The following MCOLN3 variants were observed in gnomAD, a reference collection of about 807,000 sequenced individuals.
MCOLN3 encodes mucolipin TRP cation channel 3.
A neutral mutation model predicts 69.4 loss-of-function variants in MCOLN3; 62 were observed. That is an observed-to-expected ratio of 0.89 (90% CI 0.73 to 1.10). The LOEUF (loss-of-function observed/expected upper bound fraction) is 1.10, where lower values mean the gene tolerates loss of function less well. MCOLN3 is among the 50% of genes least tolerant of loss of function. The pLI is 0.00. For synonymous variants in MCOLN3, 183 were observed against 217.0 expected, an observed-to-expected ratio of 0.84 and a Z score of 1.38; for missense variants, 564 against 656.4, an observed-to-expected ratio of 0.86 and a Z score of 1.54.
rs377121136 is a variant in MCOLN3, at chr1:85,026,580, C to A, written c.833-296G>T. 5.4e-4 allele frequency among the ~76,000 whole-genome samples: 81 copies of A among 150,134 alleles called. No individual in the cohort carries two copies. The South Asian group carries it at 0.017, about 31-fold the overall frequency. On this transcript the variant is annotated intron_variant, in intron 7 of 12. Transcript: ENST00000370589. ...GACCATCCTGGCCAATGCGGTGAAA[C>A]CCTGTCTCTACTAAAAATACAAAAA...
chr1:85,048,478 C>G lies in MCOLN3; in HGVS notation c.-85G>C, dbSNP rs899856262. On this transcript the variant is annotated 5_prime_UTR_variant, in exon 1 of 13. Transcript: ENST00000370589. The stretch of plus-strand genomic sequence containing the variant: ...AGTCAGCGAGCGACTCCAGCAGCCT[C>G]GAGCCCCGCTCCGCCCAGAGTCAGA... The G allele has an allele frequency of 1.3e-5, 2 of 152,322 alleles. No homozygotes were observed. Among genetic ancestry groups the G allele is most frequent in the African/African-American group, 2.4e-5 (1 of 41,446 alleles). 9.4% of individuals were successfully genotyped at this position (152,322 alleles called of 1,614,324 possible).
chr1:85,031,992 C>T (rs1195952210), intron 6 of MCOLN3, among the ~76,000 whole-genome samples: 2 of 152,032 alleles, frequency 1.3e-5, no homozygotes, highest in Admixed American at 6.6e-5. Context: ...AGGAGAATGG[C>T]GTGAACCCGG....
At chr1:85,028,507 T>G (rs561555419) in intron 7 of MCOLN3, among the ~76,000 whole-genome samples, 16 of 152,292 alleles carry the variant, frequency 1.1e-4, no homozygotes, top group African/African-American at 3.6e-4. Flanking sequence ...ACTAGAAAAT[T>G]AGATAAATTC....
intron 7 of MCOLN3, among the ~76,000 whole-genome samples, chr1:85,026,983 G>A (rs1652256671): frequency 6.6e-6 from 1 of 151,620 alleles, no homozygotes; most frequent in Non-Finnish European, 1.5e-5. Flanking sequence ...TGAACTCCTG[G>A]TCTCAAGTGA....
chr1:85,036,411 G>A (rs1198319610), intron 3 of MCOLN3, among the ~76,000 whole-genome samples: 1 of 152,084 alleles, frequency 6.6e-6, no homozygotes, highest in Admixed American at 6.5e-5. Context: ...GGAAGTTCTC[G>A]ATCTCCTGAC....
intron 6 of MCOLN3, 160 bp from the exon 7 acceptor site, chr1:85,029,365 T>C: frequency 1.7e-6 from 1 of 584,430 alleles, no homozygotes. Context: ...GTTCTCTTCA[T>C]TTCTCTGTGA....
At chr1:85,036,171 G>C (rs1652793345) in intron 3 of MCOLN3, among the ~76,000 whole-genome samples, 1 of 152,136 alleles carries the variant, frequency 6.6e-6, no homozygotes, top group Admixed American at 6.5e-5. Context: ...AAAAGTGCCT[G>C]ATACATAATA....
At position 85,022,194 on chromosome 1, in the gene MCOLN3, T is replaced by G; in HGVS notation, c.1198-2A>C. 1 of 1,613,962 alleles carries G rather than the reference T, an allele frequency of 6.2e-7. No individual in the cohort carries two copies. The highest frequency in any genetic ancestry group is 1.7e-5 in the Admixed American group (1 of 59,980). On this transcript the variant is annotated splice_acceptor_variant, in intron 10 of 12. Transcript: ENST00000370589. LOFTEE classifies it high-confidence loss of function. The stretch of plus-strand genomic sequence containing the variant: ...TGCCTGAAGGGTCAAAATGAGGAGC[T>G]GGGAAAGTAAGAGAGGCCATTAGAA...
rs1032754826 is a variant in MCOLN3 at position 85,031,732 on chromosome 1, AT to A, written c.732+963del. 3.3e-5 allele frequency among the ~76,000 whole-genome samples: 5 copies of A among 152,184 alleles called. 1 individual carries two copies. Among genetic ancestry groups the A allele is most frequent in the Admixed American group, 1.3e-4 (2 of 15,272 alleles). On this transcript the variant is annotated intron_variant, in intron 6 of 12. Transcript: ENST00000370589. ...GGTAGCTACATGGGCAAATAAAAAA[AT>A]GTTTTTATTATTATTTAAATCACTT...
intron 9 of MCOLN3, 47 bp from the exon 10 acceptor site, chr1:85,022,447 A>G: frequency 5.2e-6 from 7 of 1,348,034 alleles, no homozygotes; most frequent in Non-Finnish European, 7.4e-6. Context: ...GCAGAAATTC[A>G]TTTGGCAATA....
chr1:85,042,133 C>T (rs1486437423), intron 2 of MCOLN3, among the ~76,000 whole-genome samples: 1 of 152,176 alleles, frequency 6.6e-6, no homozygotes, highest in African/African-American at 2.4e-5. Flanking sequence ...TACACTATTC[C>T]AGGAACTTTC....
At chr1:85,025,663 C>A in intron 9 of MCOLN3, 2 of 283,032 alleles carry the variant, frequency 7.1e-6, no homozygotes, top group Non-Finnish European at 6.5e-6. Context: ...AATTCACAGG[C>A]CCCGCCGAAG....
chr1:85,021,224 T>A lies in MCOLN3; in HGVS notation c.1373A>T (p.Asp458Val), dbSNP rs767177470. 3 of 1,613,786 alleles carry A rather than the reference T, an allele frequency of 1.9e-6. No individual in the cohort carries two copies. Among genetic ancestry groups the A allele is most frequent in the South Asian group, 1.1e-5 (1 of 91,064 alleles). The part of the protein sequence containing the change: ...SECLFSLING[D>V]DMFATFAKMQ... ...TTTTGCAAACGTGGCAAACATATCA[T>A]CTCCATTTATCAGAGAGAAAAGGCA... The change falls in exon 12 of 13, where the codon GAT becomes GTT. Residue 458 changes from aspartate to valine, a missense_variant. Transcript: ENST00000370589.
intron 1 of MCOLN3, among the ~76,000 whole-genome samples, chr1:85,048,104 G>A (rs1412741190): frequency 6.6e-6 from 1 of 152,214 alleles, no homozygotes; most frequent in Non-Finnish European, 1.5e-5. Flanking sequence ...ACAGGTGGGC[G>A]GCGGCCTGGA....
chr1:85,028,068 G>C (rs1199755251), intron 7 of MCOLN3, among the ~76,000 whole-genome samples: 2 of 152,192 alleles, frequency 1.3e-5, no homozygotes, highest in Non-Finnish European at 2.9e-5. Context: ...CTAGGTGCCA[G>C]ACACTTGTGT....
At position 85,021,051 on chromosome 1, in the gene MCOLN3, T is replaced by C. The variant is rs772410359; in HGVS notation, c.1527+19A>G. On this transcript the variant is annotated intron_variant, in intron 12 of 12. Transcript: ENST00000370589. Reference sequence around the variant, plus strand: ...AGTTATAGGACAATGCTACTACTTATGGCTCTTGATAAACCTACCTTAATT... The same window carrying C: ...AGTTATAGGACAATGCTACTACTTACGGCTCTTGATAAACCTACCTTAATT... The C allele has an allele frequency of 6.3e-7, 1 of 1,574,922 alleles. No homozygotes were observed. The highest frequency in any genetic ancestry group is 8.7e-7 in the Non-Finnish European group (1 of 1,150,308).
intron 7 of MCOLN3, among the ~76,000 whole-genome samples, chr1:85,028,455 C>A (rs1180757702): frequency 6.6e-6 from 1 of 152,156 alleles, no homozygotes; most frequent in East Asian, 1.9e-4. Flanking sequence ...ATCTAGCGAC[C>A]ATTAAGTCCA....
chr1:85,018,705 G>T lies in MCOLN3; in HGVS notation c.*418C>A. On this transcript the variant is annotated 3_prime_UTR_variant, in exon 13 of 13. Coordinates refer to ENST00000370589, the MANE Select transcript of MCOLN3 (RefSeq NM_018298.11). ...ATGATAACTACACCCACTCTCTCAA[G>T]GATGGACTCCTGAGAGTGGTCCAAG... is the stretch of plus-strand genomic sequence containing the variant. 1 of 158,908 alleles carries T rather than the reference G, an allele frequency of 6.3e-6. No homozygotes were observed. Among genetic ancestry groups the T allele is most frequent in the Non-Finnish European group, 1.4e-5 (1 of 72,684 alleles). The allele number at this position is 158,908 out of a possible 1,614,324, so 9.8% of individuals were successfully genotyped here.
At chr1:85,026,428 T>G in intron 7 of MCOLN3, 144 bp from the exon 8 acceptor site, 1 of 648,596 alleles carries the variant, frequency 1.5e-6, no homozygotes, top group Non-Finnish European at 2.7e-6. Context: ...CCAATTAGTA[T>G]TTGAAGAAGG....
Sources: gnomAD v4.1 joint callset for allele counts (sites outside exome capture counted in the v4.1 genomes callset) on GRCh38, gnomAD v4.1.1 for gene constraint, MANE v1.5 for transcripts, NCBI Gene and HGNC (gene_info 2026-07-23, HGNC 2026-07-21) for gene names.